The following TMEM144 variants were observed in gnomAD, a reference collection of about 807,000 sequenced individuals.
TMEM144 encodes the protein transmembrane protein 144.
TMEM144 carries 39 observed loss-of-function variants against 43.6 expected under a neutral mutation model. The observed-to-expected ratio is 0.90, with a 90% CI of 0.69 to 1.17. The LOEUF (loss-of-function observed/expected upper bound fraction) is 1.17, where lower values mean the gene tolerates loss of function less well. Among genes scored for constraint, TMEM144 ranks in the 50% most tolerant of loss-of-function variants. The pLI is 0.00. For missense variants in TMEM144, 417 were observed against 411.9 expected (o/e 1.01, Z -0.11); for synonymous variants, 154 against 133.6 (o/e 1.15, Z -1.06).
chr4:158,223,436 T>C (rs989127447), intron 6 of TMEM144, among the ~76,000 whole-genome samples: 9 of 152,194 alleles, frequency 5.9e-5, no homozygotes, highest in African/African-American at 2.2e-4. Context: ...TATTTATTTA[T>C]TCATTTATTT....
Position 158,217,206 on chromosome 4 carries a change from T to C in TMEM144, c.233-115T>C, listed in dbSNP as rs1197425135. On this transcript the variant is annotated intron_variant, in intron 4 of 12. Transcript: ENST00000296529. ...GAAAAAATAAGGAACTGTGCTTTAC[T>C]AAATTTGTCCAAATCACATGCACTT... 4 of 668,170 alleles carry C rather than the reference T, an allele frequency of 6.0e-6. No individual in the cohort carries two copies. In the East Asian group the frequency reaches 1.1e-4, roughly 19 times the overall value. 41.4% of individuals were successfully genotyped at this position (668,170 alleles called of 1,614,324 possible).
intron 4 of TMEM144, 121 bp from the exon 5 acceptor site, chr4:158,217,200 C>A: frequency 1.6e-6 from 1 of 625,080 alleles, no homozygotes; most frequent in Non-Finnish European, 2.6e-6. Flanking sequence ...AGGAACTGTG[C>A]TTTACTAAAT....
At chr4:158,228,649 G>A (rs1328446795) in intron 6 of TMEM144, among the ~76,000 whole-genome samples, 9 of 152,108 alleles carry the variant, frequency 5.9e-5, no homozygotes, top group Admixed American at 4.6e-4. Context: ...TGGGCTGGTC[G>A]GAGTCCCTCG....
Position 158,240,425 on chromosome 4 carries a change from A to G in TMEM144, c.802+7A>G, listed in dbSNP as rs1392131759. 1 of 1,601,024 alleles carries G rather than the reference A, an allele frequency of 6.2e-7. No homozygotes were observed. ...CCTGAAGCAGTCCTACCAGGTAAGA[A>G]TATGTACTACAGATCTTCTTACTAT... On this transcript the variant is annotated splice_region_variant and intron_variant, in intron 10 of 12. Transcript: ENST00000296529.
At chr4:158,241,688 A>G (rs1735648527) in intron 11 of TMEM144, 82 bp downstream of exon 11, 1 of 1,057,386 alleles carries the variant, frequency 9.5e-7, no homozygotes, top group African/African-American at 1.6e-5. Flanking sequence ...GGGCATCGCT[A>G]AAGACTGTCA....
chr4:158,225,655 G>A (rs1482152966), intron 6 of TMEM144, among the ~76,000 whole-genome samples: 1 of 152,208 alleles, frequency 6.6e-6, no homozygotes, highest in East Asian at 1.9e-4. Context: ...AAGCACAAGT[G>A]CCATGCTAGT....
chr4:158,242,915 A>G (rs1156889510), intron 11 of TMEM144, among the ~76,000 whole-genome samples: 1 of 152,194 alleles, frequency 6.6e-6, no homozygotes, highest in South Asian at 2.1e-4. Flanking sequence ...CTTGGCCTGA[A>G]TCAAAGAGTC....
intron 2 of TMEM144, 42 bp from the exon 3 acceptor site, chr4:158,212,566 C>A: frequency 1.2e-6 from 1 of 824,786 alleles, no homozygotes; most frequent in Non-Finnish European, 1.9e-6. Context: ...AATTTGGTCA[C>A]AGATTCACGT....
intron 6 of TMEM144, among the ~76,000 whole-genome samples, chr4:158,222,118 TC>T (rs1365574428): frequency 7.7e-6 from 1 of 129,784 alleles, no homozygotes; most frequent in Non-Finnish European, 1.6e-5. Flanking sequence ...TCCTCTGCTT[TC>T]CCTCGTCCCA....
In TMEM144 at chr4:158,240,389, C is replaced by T; in HGVS notation, c.773C>T (p.Pro258Leu). ...TACTGCATAGCCATGAAAAATAGTCCTAAACTATATCCTGAAGCAGTCCTA... is the reference window on the plus strand; with the variant it reads ...TACTGCATAGCCATGAAAAATAGTCTTAAACTATATCCTGAAGCAGTCCTA... ...LAYCIAMKNS[P>L]KLYPEAVLPG... Residue 258 changes from proline (P) to leucine (L), a missense_variant, in exon 10 of 13, where the codon CCT (proline) becomes CTT (leucine). Transcript: ENST00000296529. The T allele has an allele frequency of 1.2e-6, 2 of 1,613,320 alleles. No homozygotes were observed. The highest frequency in any genetic ancestry group is 2.2e-5 in the South Asian group (2 of 90,914).
intron 10 of TMEM144, 122 bp from the exon 11 acceptor site, chr4:158,241,387 T>C (rs571549914): frequency 2.5e-5 from 19 of 750,404 alleles, no homozygotes; most frequent in Non-Finnish European, 2.3e-6. Flanking sequence ...AAATTCCATG[T>C]TGGCCAACAA....
At chr4:158,216,182 T>G (rs146206698) in intron 4 of TMEM144, among the ~76,000 whole-genome samples, 180 of 152,270 alleles carry the variant, frequency 1.2e-3, no homozygotes, top group Non-Finnish European at 2.3e-3. Flanking sequence ...TAAGCATCCA[T>G]CCATCCTGCA....
chr4:158,246,562 T>C (rs1735902239), intron 12 of TMEM144, among the ~76,000 whole-genome samples: 1 of 152,162 alleles, frequency 6.6e-6, no homozygotes, highest in Admixed American at 6.5e-5. Flanking sequence ...TTTTTTTAAA[T>C]ACACAAGAAC....
At chr4:158,212,442 T>C (rs763240416) in intron 2 of TMEM144, among the ~76,000 whole-genome samples, 166 bp from the exon 3 acceptor site, 1 of 152,232 alleles carries the variant, frequency 6.6e-6, no homozygotes, top group African/African-American at 2.4e-5. Flanking sequence ...TATTTGGTGA[T>C]AGAATAAATT....
intron 9 of TMEM144, 118 bp downstream of exon 9, chr4:158,237,761 C>A: frequency 4.3e-6 from 3 of 701,026 alleles, no homozygotes; most frequent in Middle Eastern, 4.2e-4. Flanking sequence ...TTGTAAGTGG[C>A]GAATTAGAAA....
rs150474234 is a variant in TMEM144 at position 158,237,628 on chromosome 4, G to T, written c.667G>T (p.Gly223Trp). The change falls in exon 9 of 13, where the codon GGG (glycine) becomes TGG (tryptophan). Residue 223 changes from glycine (G) to tryptophan (W), a missense_variant. Coordinates refer to ENST00000296529, the MANE Select transcript of TMEM144 (RefSeq NM_018342.5). Reference protein sequence around the residue: ...HSKRNDSIYAGASQYDLDYVF... With the variant: ...HSKRNDSIYAWASQYDLDYVF... The stretch of plus-strand genomic sequence containing the variant: ...CAAAAGAAATGATAGTATATATGCA[G>T]GGGCAAGCCAATATGGTGAGAATAA... 6 of 1,609,874 alleles carry T rather than the reference G, an allele frequency of 3.7e-6. No homozygotes were observed. The Admixed American group carries it at 8.4e-5, about 22-fold the overall frequency.
At position 158,212,611 on chromosome 4, in the gene TMEM144, C is replaced by T. The variant is rs1734012238; in HGVS notation, c.-57C>T. 4.0e-6 allele frequency: 5 copies of T among 1,251,890 alleles called. No individual in the cohort carries two copies. Among genetic ancestry groups the T allele is most frequent in the Non-Finnish European group, 5.6e-6 (5 of 889,670 alleles). The allele number at this position is 1,251,890 out of a possible 1,614,324, so 77.5% of individuals were successfully genotyped here. ...TTCATTTTTTCTTTTATTTCAGAAG[C>T]TCCTGAAAAGTACATCAAGTCTAAA... On this transcript the variant is annotated 5_prime_UTR_variant, in exon 3 of 13. Coordinates refer to ENST00000296529, the MANE Select transcript of TMEM144 (RefSeq NM_018342.5).
intron 6 of TMEM144, among the ~76,000 whole-genome samples, chr4:158,222,983 A>C (rs1321398773): frequency 6.6e-6 from 1 of 152,192 alleles, no homozygotes; most frequent in East Asian, 1.9e-4. Context: ...TGTAGCCCAA[A>C]ACACCTTGTG....
At chr4:158,220,672 A>T (rs1386831302) in intron 6 of TMEM144, among the ~76,000 whole-genome samples, 1 of 152,250 alleles carries the variant, frequency 6.6e-6, no homozygotes, top group Admixed American at 6.5e-5. Context: ...AGTGCTTCAT[A>T]TAGTGCTAAT....
Sources: allele counts gnomAD v4.1 joint callset (sites outside exome capture counted in the v4.1 genomes callset), GRCh38; gene constraint gnomAD v4.1.1; transcripts MANE v1.5; gene names NCBI Gene and HGNC (gene_info 2026-07-23, HGNC 2026-07-21).